Variants in GPALPP1 observed in about 807,000 individuals in gnomAD.
GPALPP1 encodes the protein GPALPP motifs containing 1.
In GPALPP1, 30 loss-of-function variants were observed where a neutral mutation model predicts 38.9. The ratio of observed to expected loss-of-function variants is 0.77; its 90% confidence interval spans 0.58 to 1.05. The LOEUF (loss-of-function observed/expected upper bound fraction) is 1.05, where lower values mean the gene tolerates loss of function less well. Ranked by LOEUF, GPALPP1 falls within the 50% of genes least tolerant of loss-of-function variation. The probability of loss-of-function intolerance (pLI) is 0.00; values close to 1 mark genes in which losing one functional copy is unlikely to be tolerated. For missense variants in GPALPP1, 384 were observed against 408.8 expected, an observed-to-expected ratio of 0.94 and a Z score of 0.52; for synonymous variants, 120 against 139.2, an observed-to-expected ratio of 0.86 and a Z score of 0.97.
intron 1 of GPALPP1, among the ~76,000 whole-genome samples, chr13:44,993,559 G>GTA (rs1873006891): frequency 6.6e-6 from 1 of 152,098 alleles, no homozygotes; most frequent in South Asian, 2.1e-4. Flanking sequence ...TCTGGGACCT[G>GTA]TAGTCCCAGC....
Position 45,004,333 on chromosome 13 carries a change from T to C in GPALPP1, c.117T>C (p.Tyr39=). The part of the protein sequence containing the change: ...PVAGPALPPN[Y]KSSSSDSSDS... ...CAGGACCAGCTCTGCCCCCTAATTA[T>C]AAAAGCAGTAGTTCAGATTCATCAG... Residue 39 remains tyrosine, a synonymous_variant, in exon 2 of 8, where the codon TAT becomes TAC. Transcript: ENST00000379151. 1 of 1,611,882 alleles carries C rather than the reference T, an allele frequency of 6.2e-7. No homozygotes were observed. The highest frequency in any genetic ancestry group is 8.5e-7 in the Non-Finnish European group (1 of 1,178,188).
chr13:44,996,354 CAA>C (rs772383338), intron 1 of GPALPP1, among the ~76,000 whole-genome samples: 36 of 125,616 alleles, frequency 2.9e-4, no homozygotes, highest in African/African-American at 3.2e-4. Flanking sequence ...GACCTTGTCG[CAA>C]AAAAAAAAAA....
In GPALPP1 at chr13:44,989,718, G is replaced by T; in HGVS notation, c.64G>T (p.Asp22Tyr). The T allele has an allele frequency of 6.2e-7, 1 of 1,610,242 alleles. No individual in the cohort carries two copies. ...CTTCAAGGCCCGCGGAACAGCGGAG[G>T]ACGAAGAGCGGGACCCGAGCCCTGG... ...PGFKARGTAE[D>Y]EERDPSPVAG... Residue 22 changes from aspartate (D) to tyrosine (Y), a missense_variant, in exon 1 of 8, where the codon GAC (aspartate) becomes TAC (tyrosine). By Grantham distance (160) the Asp-to-Tyr change is radical. Transcript: ENST00000379151.
intron 7 of GPALPP1, among the ~76,000 whole-genome samples, chr13:45,023,203 G>A: frequency 6.6e-6 from 1 of 152,144 alleles, no homozygotes; most frequent in South Asian, 2.1e-4. Context: ...TTGATTTTCA[G>A]TGAGTTGACT....
At chr13:44,998,005 T>C (rs1873415054) in intron 1 of GPALPP1, among the ~76,000 whole-genome samples, 1 of 152,216 alleles carries the variant, frequency 6.6e-6, no homozygotes, top group Non-Finnish European at 1.5e-5. Context: ...AGGCTTCACC[T>C]CCTTTCTCTT....
chr13:45,014,321 T>C (rs1034452889), intron 4 of GPALPP1, among the ~76,000 whole-genome samples: 1 of 152,340 alleles, frequency 6.6e-6, no homozygotes, highest in Admixed American at 6.5e-5. Flanking sequence ...TCAGAAAGCT[T>C]ACTATTGTAG....
At chr13:44,991,838 A>G (rs573672359) in intron 1 of GPALPP1, among the ~76,000 whole-genome samples, 1 of 152,194 alleles carries the variant, frequency 6.6e-6, no homozygotes, top group African/African-American at 2.4e-5. Flanking sequence ...CTGGCTTCCT[A>G]TCTTGGTACT....
intron 7 of GPALPP1, among the ~76,000 whole-genome samples, chr13:45,024,302 G>A (rs1875676738): frequency 6.7e-6 from 1 of 148,332 alleles, no homozygotes; most frequent in African/African-American, 2.5e-5. Context: ...GTGTGTGTGT[G>A]TGTGTGTTTT....
chr13:45,007,326 T>C (rs1874173001), intron 3 of GPALPP1, among the ~76,000 whole-genome samples: 1 of 152,212 alleles, frequency 6.6e-6, no homozygotes, highest in Non-Finnish European at 1.5e-5. Flanking sequence ...ATAAAATGTA[T>C]GTGTAAAATA....
chr13:44,990,620 G>T (rs147570723), intron 1 of GPALPP1, among the ~76,000 whole-genome samples: 1 of 152,122 alleles, frequency 6.6e-6, no homozygotes, highest in African/African-American at 2.4e-5. Context: ...ATACCTATCT[G>T]CTTTAATGTT....
intron 6 of GPALPP1, among the ~76,000 whole-genome samples, chr13:45,019,725 A>T: frequency 1.5e-5 from 2 of 134,602 alleles, no homozygotes; most frequent in Non-Finnish European, 1.6e-5. Flanking sequence ...TTTAAGCCTT[A>T]TTTTCACTTC....
At chr13:45,023,995 T>G (rs1875598325) in intron 7 of GPALPP1, among the ~76,000 whole-genome samples, 1 of 152,156 alleles carries the variant, frequency 6.6e-6, no homozygotes, top group Non-Finnish European at 1.5e-5. Context: ...CTGTCAGAAC[T>G]TGGGTGGTAA....
intron 7 of GPALPP1, 147 bp downstream of exon 7, chr13:45,020,575 A>C: frequency 2.0e-6 from 1 of 492,604 alleles, no homozygotes; most frequent in Non-Finnish European, 3.7e-6. Context: ...GTTTCTAAAA[A>C]CAATTTTTTT....
Position 44,991,817 on chromosome 13 carries a change from C to G in GPALPP1, c.88+2075C>G, listed in dbSNP as rs7326250. On this transcript the variant is annotated intron_variant, in intron 1 of 7. Coordinates refer to ENST00000379151, the MANE Select transcript of GPALPP1 (RefSeq NM_018559.5). ...ATCACAGATTCGTTTTGCATGTTTTCTCTTTCATAACTGGCTTCCTATCTT... is the reference window on the plus strand; with the variant it reads ...ATCACAGATTCGTTTTGCATGTTTTGTCTTTCATAACTGGCTTCCTATCTT... 5.3e-3 allele frequency among the ~76,000 whole-genome samples: 812 copies of G among 152,294 alleles called. 5 individuals carry two copies. The highest frequency in any genetic ancestry group is 0.019 in the African/African-American group (783 of 41,562).
intron 1 of GPALPP1, chr13:44,989,953 C>G (rs1362042744): frequency 2.5e-5 from 15 of 592,768 alleles, no homozygotes; most frequent in Admixed American, 6.0e-5. Context: ...GGTTTGGCTT[C>G]GTGATGATAA....
chr13:44,998,090 G>A (rs758806497), intron 1 of GPALPP1, among the ~76,000 whole-genome samples: 2 of 152,064 alleles, frequency 1.3e-5, no homozygotes, highest in Non-Finnish European at 2.9e-5. Flanking sequence ...CTACTTCATT[G>A]AACAAGTAGA....
At chr13:44,996,804 TTTTTTC>T (rs1341742223) in intron 1 of GPALPP1, among the ~76,000 whole-genome samples, 4 of 146,482 alleles carry the variant, frequency 2.7e-5, no homozygotes, top group Admixed American at 2.7e-4. Context: ...TTTTTTTTTT[TTTTTTC>T]CAGTTTTTAA....
At chr13:45,023,409 T>C (rs905426174) in intron 7 of GPALPP1, among the ~76,000 whole-genome samples, 2 of 152,260 alleles carry the variant, frequency 1.3e-5, no homozygotes, top group Non-Finnish European at 2.9e-5. Flanking sequence ...GTCCAGTGAT[T>C]TAATGTATTC....
At chr13:45,035,522 A>G (rs543702435) in exon 8 of GPALPP1, 1 of 152,340 alleles carries the variant, frequency 6.6e-6, no homozygotes, top group Admixed American at 6.5e-5. Context: ...TGTTTTTTTA[A>G]GAAGTTGTTG....
Sources: allele counts gnomAD v4.1 joint callset (sites outside exome capture counted in the v4.1 genomes callset), GRCh38; gene constraint gnomAD v4.1.1; transcripts MANE v1.5; gene names NCBI Gene and HGNC (gene_info 2026-07-23, HGNC 2026-07-21).